TNNI3K: variants seen among roughly 807,000 people sequenced by gnomAD.
TNNI3K encodes TNNI3 interacting kinase, also known as serine/threonine-protein kinase TNNI3K.
In TNNI3K, 140 loss-of-function variants were observed where a neutral mutation model predicts 114.5. The observed-to-expected ratio is 1.22, with a 90% CI of 1.07 to 1.41. TNNI3K has a LOEUF of 1.41. Ranked by LOEUF, TNNI3K falls within the 40% of genes most tolerant of loss-of-function variation. TNNI3K has a pLI of 0.00. For missense variants in TNNI3K, 1,125 were observed against 1,007.6 expected (o/e 1.12, Z -1.58); for synonymous variants, 347 against 347.5 (o/e 1.00, Z 0.02).
At chr1:74,341,226 T>C (rs1360451092) in intron 7 of TNNI3K, among the ~76,000 whole-genome samples, 1 of 152,214 alleles carries the variant, frequency 6.6e-6, no homozygotes, top group African/African-American at 2.4e-5. Context: ...TTATTGACTG[T>C]TTAACTAGAC....
chr1:74,345,173 C>T (rs1660940276), intron 9 of TNNI3K, among the ~76,000 whole-genome samples: 1 of 151,912 alleles, frequency 6.6e-6, no homozygotes, highest in Admixed American at 6.6e-5. Context: ...TAAATGTGTA[C>T]TGTTATGGAT....
chr1:74,465,573 C>T (rs1421241935), intron 21 of TNNI3K, among the ~76,000 whole-genome samples: 1 of 152,200 alleles, frequency 6.6e-6, no homozygotes, highest in Non-Finnish European at 1.5e-5. Flanking sequence ...GCCCGAGCCT[C>T]TCCTATGGGC....
intron 7 of TNNI3K, among the ~76,000 whole-genome samples, chr1:74,338,215 C>T (rs1389365395): frequency 6.6e-6 from 1 of 151,798 alleles, no homozygotes; most frequent in Non-Finnish European, 1.5e-5. Context: ...CCCACAGCAT[C>T]CCCAATATTT....
intron 2 of TNNI3K, chr1:74,240,957 G>GT (rs1180604158): frequency 1.4e-5 from 2 of 147,978 alleles, no homozygotes; most frequent in Non-Finnish European, 3.0e-5. Flanking sequence ...ACAGGCCCCC[G>GT]TGTGTGATGT....
At chr1:74,326,889 T>C (rs562173256) in intron 5 of TNNI3K, among the ~76,000 whole-genome samples, 25 of 152,116 alleles carry the variant, frequency 1.6e-4, no homozygotes, top group African/African-American at 6.0e-4. Context: ...TAGACCATCC[T>C]TGCCAACATA....
chr1:74,385,133 C>T lies in TNNI3K; in HGVS notation c.1772+14741C>T, dbSNP rs571950331. Among the ~76,000 whole-genome samples, 11 of 152,076 alleles carry T rather than the reference C, an allele frequency of 7.2e-5. 1 individual carries two copies. Among genetic ancestry groups the T allele is most frequent in the African/African-American group, 2.2e-4 (9 of 41,526 alleles). On this transcript the variant is annotated intron_variant, in intron 17 of 24. Coordinates refer to ENST00000326637, the MANE Select transcript of TNNI3K (RefSeq NM_015978.3). ...CTTATGCCCTGTGAAAGAAAGCACA[C>T]GTAAAATAGTACATACCATATTATC...
intron 4 of TNNI3K, among the ~76,000 whole-genome samples, chr1:74,268,514 A>C (rs1003020487): frequency 6.6e-6 from 1 of 151,832 alleles, no homozygotes; most frequent in African/African-American, 2.4e-5. Context: ...CTCGTGAAGC[A>C]GAGGGAGTGG....
intron 17 of TNNI3K, chr1:74,370,623 A>G (rs1346513381): frequency 3.0e-6 from 1 of 328,776 alleles, no homozygotes; most frequent in African/African-American, 2.1e-5. Flanking sequence ...ATATTCACAA[A>G]TATAGTAATA....
intron 9 of TNNI3K, among the ~76,000 whole-genome samples, chr1:74,344,221 G>C (rs1660886376): frequency 6.6e-6 from 1 of 152,166 alleles, no homozygotes. Context: ...AAACAAGGGT[G>C]AAGTAAAACC....
chr1:74,537,711 A>G (rs1646676870), intron 23 of TNNI3K, among the ~76,000 whole-genome samples: 1 of 152,158 alleles, frequency 6.6e-6, no homozygotes, highest in Non-Finnish European at 1.5e-5. Flanking sequence ...AAATACAGAT[A>G]ATTCTACCCT....
At chr1:74,278,962 C>G (rs963144794) in intron 5 of TNNI3K, among the ~76,000 whole-genome samples, 9 of 151,720 alleles carry the variant, frequency 5.9e-5, no homozygotes, top group Non-Finnish European at 1.0e-4. Context: ...TTACATATGA[C>G]TTTATTTAGC....
intron 17 of TNNI3K, among the ~76,000 whole-genome samples, chr1:74,407,770 T>C (rs1264377876): frequency 6.6e-6 from 1 of 152,184 alleles, no homozygotes; most frequent in African/African-American, 2.4e-5. Context: ...TAGAACCTTT[T>C]TCTAGGTCCC....
At chr1:74,390,140 G>A (rs528070231) in intron 17 of TNNI3K, among the ~76,000 whole-genome samples, 1 of 152,258 alleles carries the variant, frequency 6.6e-6, no homozygotes, top group East Asian at 1.9e-4. Context: ...CATCTTCATA[G>A]CTCCTATAAT....
chr1:74,461,771 A>T (rs1412391416), intron 20 of TNNI3K, among the ~76,000 whole-genome samples: 2 of 152,214 alleles, frequency 1.3e-5, no homozygotes, highest in East Asian at 3.8e-4. Flanking sequence ...TAAAGTAGTT[A>T]TGCCTTTGGC....
In TNNI3K at chr1:74,447,337, C is replaced by A. The variant is rs1393072987; in HGVS notation, c.2011+7715C>A. ...GGGAGTTCACTCATGATTTGGCTCT[C>A]TGTTTGTCTGTTGTTGGTGTATAAG... is the stretch of plus-strand genomic sequence containing the variant. On this transcript the variant is annotated intron_variant, in intron 20 of 24. Transcript: ENST00000326637. 2.7e-5 allele frequency among the ~76,000 whole-genome samples: 4 copies of A among 150,010 alleles called. No homozygotes were observed. In the South Asian group the frequency reaches 8.3e-4, roughly 31 times the overall value.
At chr1:74,524,701 C>T (rs1375573316) in intron 23 of TNNI3K, among the ~76,000 whole-genome samples, 1 of 151,942 alleles carries the variant, frequency 6.6e-6, no homozygotes, top group East Asian at 1.9e-4. Flanking sequence ...AATCTCTTCC[C>T]TCGTGGAGGT....
intron 4 of TNNI3K, among the ~76,000 whole-genome samples, chr1:74,258,571 G>C (rs75048067): frequency 0.033 from 5,028 of 152,194 alleles, 271 homozygotes; most frequent in African/African-American, 0.11. Context: ...AAGTTGTTCT[G>C]TCATGCCCAT....
intron 21 of TNNI3K, among the ~76,000 whole-genome samples, chr1:74,486,234 G>GAGAGAGAGAGA: frequency 1.8e-5 from 1 of 56,262 alleles, no homozygotes; most frequent in Non-Finnish European, 4.9e-5. Flanking sequence ...AGAGAGAGAG[G>GAGAGAGAGAGA]TGGGAAATAT....
chr1:74,344,838 T>C (rs1660916910), intron 9 of TNNI3K, among the ~76,000 whole-genome samples: 1 of 152,192 alleles, frequency 6.6e-6, no homozygotes, highest in African/African-American at 2.4e-5. Flanking sequence ...GTTTTTGTTA[T>C]ATTCATTTTA....
Sources: allele counts gnomAD v4.1 joint callset (sites outside exome capture counted in the v4.1 genomes callset), GRCh38; gene constraint gnomAD v4.1.1; transcripts MANE v1.5; gene names NCBI Gene and HGNC (gene_info 2026-07-23, HGNC 2026-07-21).